The following GLI3 variants were observed in gnomAD, a reference collection of about 807,000 sequenced individuals.
GLI3 encodes transcription activator GLI3.
GLI3 carries 20 observed loss-of-function variants against 100.8 expected under a neutral mutation model. That is an observed-to-expected ratio of 0.20 (90% confidence interval 0.14 to 0.29). The LOEUF is 0.29. Ranked by LOEUF, GLI3 falls within the 10% of genes least tolerant of loss-of-function variation. The pLI, the probability that GLI3 is intolerant of heterozygous loss-of-function variation, is 1.00. For synonymous variants in GLI3, 938 were observed against 860.5 expected (o/e 1.09, Z -1.58); for missense variants, 2,040 against 2,128.5 (o/e 0.96, Z 0.82).
chr7:42,189,204 C>A (rs1403407294), intron 2 of GLI3, among the ~76,000 whole-genome samples: 2 of 152,014 alleles, frequency 1.3e-5, no homozygotes, highest in African/African-American at 4.8e-5. Context: ...AAATAAGCAA[C>A]AATAAAGGAC....
At chr7:41,973,539 A>G (rs986120731) in intron 12 of GLI3, among the ~76,000 whole-genome samples, 1 of 152,234 alleles carries the variant, frequency 6.6e-6, no homozygotes, top group African/African-American at 2.4e-5. Context: ...CATGACCAAC[A>G]TCGGATTTGT....
chr7:42,062,280 A>G (rs1784584522), intron 4 of GLI3, among the ~76,000 whole-genome samples: 2 of 152,178 alleles, frequency 1.3e-5, no homozygotes, highest in African/African-American at 4.8e-5. Flanking sequence ...ACCATGTTAT[A>G]AAGTCTGTTG....
chr7:42,203,892 G>C (rs923791800), intron 2 of GLI3, among the ~76,000 whole-genome samples: 1 of 152,088 alleles, frequency 6.6e-6, no homozygotes, highest in Non-Finnish European at 1.5e-5. Flanking sequence ...CCAGCTACTT[G>C]GGATGCTGAG....
chr7:42,022,251 T>C (rs1788963578), intron 10 of GLI3, among the ~76,000 whole-genome samples: 1 of 152,212 alleles, frequency 6.6e-6, no homozygotes, highest in Admixed American at 6.5e-5. Context: ...TCTGGCAACC[T>C]GCGTGCTTAA....
At chr7:42,207,663 T>C (rs1006987390) in intron 2 of GLI3, among the ~76,000 whole-genome samples, 2 of 152,192 alleles carry the variant, frequency 1.3e-5, no homozygotes, top group African/African-American at 4.8e-5. Flanking sequence ...AGTAAATTCA[T>C]AGCTATTAAA....
Position 42,061,147 on chromosome 7 carries a change from G to A in GLI3, c.474-12451C>T, listed in dbSNP as rs185810257. Among the ~76,000 whole-genome samples, 665 of 152,266 alleles carry A rather than the reference G, an allele frequency of 4.4e-3. 5 individuals carry two copies. The highest frequency in any genetic ancestry group is 0.015 in the African/African-American group (611 of 41,548). Reference sequence around the variant, plus strand: ...TATAATTAATTGAAAACAGGAAGTTGGGTTCCAACTATTTAATCCTTGCTT... The same window carrying A: ...TATAATTAATTGAAAACAGGAAGTTAGGTTCCAACTATTTAATCCTTGCTT... On this transcript the variant is annotated intron_variant, in intron 4 of 14. Transcript: ENST00000395925.
chr7:42,000,765 T>C (rs368512845), intron 10 of GLI3, among the ~76,000 whole-genome samples: 16 of 152,218 alleles, frequency 1.1e-4, no homozygotes, highest in South Asian at 4.2e-4. Context: ...AAGGAGCTGA[T>C]TGAAGACCAA....
intron 2 of GLI3, among the ~76,000 whole-genome samples, chr7:42,159,382 T>A (rs755722403): frequency 9.2e-5 from 14 of 152,210 alleles, no homozygotes; most frequent in Non-Finnish European, 1.9e-4. Context: ...AGGCCCTTCA[T>A]GCTGCCCAAG....
intron 2 of GLI3, among the ~76,000 whole-genome samples, chr7:42,205,365 C>G (rs1788128316): frequency 6.6e-6 from 1 of 152,060 alleles, no homozygotes; most frequent in Non-Finnish European, 1.5e-5. Context: ...CTCCAATATT[C>G]CTTTGGCCTT....
At chr7:42,005,761 C>G (rs1356114263) in intron 10 of GLI3, among the ~76,000 whole-genome samples, 1 of 152,180 alleles carries the variant, frequency 6.6e-6, no homozygotes, top group East Asian at 1.9e-4. Flanking sequence ...TCTCTAACTT[C>G]CTGTTCAATT....
intron 10 of GLI3, among the ~76,000 whole-genome samples, chr7:42,019,630 C>T (rs1392316525): frequency 6.6e-6 from 1 of 151,942 alleles, no homozygotes; most frequent in Non-Finnish European, 1.5e-5. Flanking sequence ...TTATGATTCA[C>T]GTCTTTTATA....
At chr7:42,091,741 C>T (rs930174586) in intron 3 of GLI3, among the ~76,000 whole-genome samples, 1 of 152,238 alleles carries the variant, frequency 6.6e-6, no homozygotes, top group Non-Finnish European at 1.5e-5. Flanking sequence ...TGGGCTGCAG[C>T]AATATCCGCT....
At chr7:42,118,221 T>C (rs1402095345) in intron 3 of GLI3, 3 of 398,290 alleles carry the variant, frequency 7.5e-6, no homozygotes, top group South Asian at 1.3e-4. Flanking sequence ...ATTTTCTTAA[T>C]GTGCATGTTA....
intron 3 of GLI3, among the ~76,000 whole-genome samples, chr7:42,108,299 T>C (rs1329199198): frequency 6.6e-6 from 1 of 152,226 alleles, no homozygotes; most frequent in Non-Finnish European, 1.5e-5. Flanking sequence ...GACTTAACTT[T>C]GTCAATCCTG....
At chr7:42,163,038 C>T (rs910475346) in intron 2 of GLI3, among the ~76,000 whole-genome samples, 6 of 125,826 alleles carry the variant, frequency 4.8e-5, no homozygotes, top group Admixed American at 1.0e-4. Context: ...CTTGGAATTT[C>T]CTGTCAAATA....
intron 10 of GLI3, among the ~76,000 whole-genome samples, chr7:41,984,875 T>C (rs944060908): frequency 6.6e-6 from 1 of 152,240 alleles, no homozygotes; most frequent in African/African-American, 2.4e-5. Context: ...ACAAGCTACA[T>C]GTAAAAGCAA....
chr7:41,995,742 T>C (rs1333680476), intron 10 of GLI3, among the ~76,000 whole-genome samples: 2 of 151,524 alleles, frequency 1.3e-5, no homozygotes, highest in East Asian at 3.9e-4. Context: ...TTAAAATAAA[T>C]GAGATGAAGA....
At chr7:41,981,358 G>T (rs1787663766) in intron 10 of GLI3, among the ~76,000 whole-genome samples, 1 of 152,182 alleles carries the variant, frequency 6.6e-6, no homozygotes, top group African/African-American at 2.4e-5. Context: ...TGAGGATGTG[G>T]GAAATACCCC....
At chr7:42,221,585 C>T (rs1403776932) in intron 2 of GLI3, among the ~76,000 whole-genome samples, 1 of 152,110 alleles carries the variant, frequency 6.6e-6, no homozygotes, top group Non-Finnish European at 1.5e-5. Flanking sequence ...TGTGCACTCA[C>T]GCAAACTATA....
Sources: gnomAD v4.1 joint callset for allele counts (sites outside exome capture counted in the v4.1 genomes callset) on GRCh38, gnomAD v4.1.1 for gene constraint, MANE v1.5 for transcripts, NCBI Gene and HGNC (gene_info 2026-07-23, HGNC 2026-07-21) for gene names.